The following PPARGC1A variants were observed in gnomAD, a reference collection of about 807,000 sequenced individuals.
PPARGC1A encodes peroxisome proliferator-activated receptor gamma coactivator 1-alpha.
A neutral mutation model predicts 88.7 loss-of-function variants in PPARGC1A; 25 were observed. The ratio of observed to expected loss-of-function variants is 0.28; its 90% CI spans 0.21 to 0.39. The LOEUF (loss-of-function observed/expected upper bound fraction) is 0.39, where lower values mean the gene tolerates loss of function less well. PPARGC1A is among the 10% of genes least tolerant of loss of function. The probability of loss-of-function intolerance (pLI) is 1.00; values close to 1 mark genes in which losing one functional copy is unlikely to be tolerated. For missense variants in PPARGC1A, 880 were observed against 968.7 expected (o/e 0.91, Z 1.22); for synonymous variants, 363 against 355.6 (o/e 1.02, Z -0.24).
At chr4:24,204,757 G>A in the PPARGC1A span, among the ~76,000 whole-genome samples, 1 of 152,052 alleles carries the variant, frequency 6.6e-6, no homozygotes, top group South Asian at 2.1e-4. Context: ...GTTTACCTGG[G>A]CATTCCTGTT....
At chr4:24,044,687 G>A in the PPARGC1A span, among the ~76,000 whole-genome samples, 94 of 152,302 alleles carry the variant, frequency 6.2e-4, no homozygotes, top group Non-Finnish European at 1.1e-3. Context: ...AGCACTGGGT[G>A]CATCTCAAAA....
the PPARGC1A span, among the ~76,000 whole-genome samples, chr4:24,183,023 G>A: frequency 5.9e-5 from 9 of 152,190 alleles, no homozygotes; most frequent in South Asian, 1.9e-3. Flanking sequence ...AGACGACCTC[G>A]GGCTCGGAGA....
the PPARGC1A span, among the ~76,000 whole-genome samples, chr4:24,022,997 A>G: frequency 1.1e-4 from 17 of 152,176 alleles, no homozygotes; most frequent in Non-Finnish European, 1.8e-4. Flanking sequence ...ATAGGAAGAA[A>G]AATTTGAAGG....
chr4:24,285,913 C>G, the PPARGC1A span, among the ~76,000 whole-genome samples: 1 of 152,326 alleles, frequency 6.6e-6, no homozygotes, highest in African/African-American at 2.4e-5. Flanking sequence ...TCAGCAGCAG[C>G]AGTGGTTGCA....
At chr4:23,854,020 GTGCTTAGAATAC>G (rs1258856972) in intron 2 of PPARGC1A, among the ~76,000 whole-genome samples, 3 of 152,110 alleles carry the variant, frequency 2.0e-5, no homozygotes, top group Non-Finnish European at 2.9e-5. Context: ...AACGTATAAA[GTGCTTAGAATAC>G]TGCCTGGCAC....
chr4:24,317,282 T>C, the PPARGC1A span, among the ~76,000 whole-genome samples: 2 of 151,824 alleles, frequency 1.3e-5, no homozygotes, highest in Non-Finnish European at 2.9e-5. Flanking sequence ...TAGGCAGACA[T>C]TGATTGAGCC....
the PPARGC1A span, among the ~76,000 whole-genome samples, chr4:24,304,975 T>C: frequency 6.6e-6 from 1 of 152,066 alleles, no homozygotes; most frequent in Admixed American, 6.6e-5. Flanking sequence ...GAAGTTATTA[T>C]GGCTGAAGAT....
At chr4:23,993,263 A>T in the PPARGC1A span, among the ~76,000 whole-genome samples, 2 of 152,200 alleles carry the variant, frequency 1.3e-5, no homozygotes, top group African/African-American at 4.8e-5. Flanking sequence ...TACATAGATT[A>T]TCTCTTCCTT....
chr4:23,960,658 A>G, the PPARGC1A span, among the ~76,000 whole-genome samples: 2 of 152,130 alleles, frequency 1.3e-5, no homozygotes, highest in Admixed American at 6.5e-5. Flanking sequence ...GGCAGAGAGC[A>G]CCATCATCTG....
At chr4:24,128,795 T>C in the PPARGC1A span, among the ~76,000 whole-genome samples, 2 of 152,136 alleles carry the variant, frequency 1.3e-5, no homozygotes, top group Non-Finnish European at 2.9e-5. Context: ...CTTGATAACT[T>C]CCCTAATCCC....
the PPARGC1A span, among the ~76,000 whole-genome samples, chr4:24,286,143 T>G: frequency 6.6e-6 from 1 of 151,610 alleles, no homozygotes; most frequent in African/African-American, 2.4e-5. Flanking sequence ...AAATACCCAC[T>G]ACGAAAGAGA....
At chr4:23,837,864 T>C (rs968910128) in intron 2 of PPARGC1A, among the ~76,000 whole-genome samples, 7 of 152,168 alleles carry the variant, frequency 4.6e-5, no homozygotes, top group Admixed American at 1.3e-4. Context: ...TGAATCTCCA[T>C]AGATAAAACC....
chr4:23,927,796 AC>A, the PPARGC1A span, among the ~76,000 whole-genome samples: 51 of 152,330 alleles, frequency 3.3e-4, 1 homozygote, highest in African/African-American at 1.2e-3. Flanking sequence ...TACACTGTCC[AC>A]AATCAAAATT....
chr4:23,810,722 T>C (rs1465317061), intron 10 of PPARGC1A, among the ~76,000 whole-genome samples: 2 of 152,230 alleles, frequency 1.3e-5, no homozygotes, highest in African/African-American at 2.4e-5. Context: ...TTCTCTTTAA[T>C]GTCCTATTTT....
At chr4:24,086,247 C>A in the PPARGC1A span, among the ~76,000 whole-genome samples, 10 of 152,216 alleles carry the variant, frequency 6.6e-5, no homozygotes, top group Non-Finnish European at 1.3e-4. Context: ...GATGGAGGCA[C>A]TGATACCCAC....
At chr4:24,136,570 G>A in the PPARGC1A span, among the ~76,000 whole-genome samples, 1 of 152,130 alleles carries the variant, frequency 6.6e-6, no homozygotes, top group African/African-American at 2.4e-5. Context: ...GCCTTCAGCA[G>A]AAGCACAGCA....
chr4:24,192,248 G>A, the PPARGC1A span, among the ~76,000 whole-genome samples: 4 of 152,054 alleles, frequency 2.6e-5, no homozygotes, highest in African/African-American at 9.7e-5. Context: ...CCAGTCTTTG[G>A]GCCTCCCTGA....
At chr4:24,461,059 G>A in the PPARGC1A span, among the ~76,000 whole-genome samples, 1 of 152,124 alleles carries the variant, frequency 6.6e-6, no homozygotes, top group Non-Finnish European at 1.5e-5. Context: ...TAGTAGCTGA[G>A]ACTACAGGTG....
chr4:24,383,631 T>C, the PPARGC1A span, among the ~76,000 whole-genome samples: 2 of 151,970 alleles, frequency 1.3e-5, no homozygotes, highest in Non-Finnish European at 2.9e-5. Flanking sequence ...ATATCAGAGA[T>C]TGAAGATTAA....
Sources: allele counts gnomAD v4.1 joint callset (sites outside exome capture counted in the v4.1 genomes callset), GRCh38; gene constraint gnomAD v4.1.1; transcripts MANE v1.5; gene names NCBI Gene and HGNC (gene_info 2026-07-23, HGNC 2026-07-21).